Variants in MROH1 observed in about 807,000 individuals in gnomAD.
MROH1 encodes the protein maestro heat-like repeat-containing protein family member 1.
In MROH1, 117 loss-of-function variants were observed where a neutral mutation model predicts 116.5. The observed-to-expected ratio is 1.00, with a 90% CI of 0.86 to 1.17. The LOEUF (loss-of-function observed/expected upper bound fraction) is 1.17, where lower values mean the gene tolerates loss of function less well. Among genes scored for constraint, MROH1 ranks in the 50% most tolerant of loss-of-function variants. The pLI is 0.00. For missense variants in MROH1, 1,873 were observed against 1,338.5 expected (o/e 1.40, Z -6.23); for synonymous variants, 921 against 583.9 (o/e 1.58, Z -8.32).
Position 144,261,840 on chromosome 8 carries a change from A to AG in MROH1, c.*104dup. 1.4e-6 allele frequency: 1 copy of AG among 698,446 alleles called. No homozygotes were observed. The highest frequency in any genetic ancestry group is 2.6e-6 in the Non-Finnish European group (1 of 383,690). 43.3% of individuals were successfully genotyped at this position (698,446 alleles called of 1,614,324 possible). A position where few individuals can be genotyped will look rare whatever the true frequency, so the allele number is the denominator to read the frequency against. ...GACCACAGCCTGGGCACACGACTGG[A>AG]GGGGCCTGGCCCCAGAACAGGCACT... On this transcript the variant is annotated 3_prime_UTR_variant, in exon 44 of 44. Transcript: ENST00000326134.
intron 35 of MROH1, among the ~76,000 whole-genome samples, chr8:144,256,641 G>A (rs1206686430): frequency 5.2e-4 from 79 of 152,294 alleles, no homozygotes; most frequent in African/African-American, 1.2e-3. Flanking sequence ...GTAGGGCTGC[G>A]GGCCCCACGC....
intron 4 of MROH1, among the ~76,000 whole-genome samples, chr8:144,177,970 T>C (rs1329736450): frequency 1.3e-5 from 2 of 150,942 alleles, no homozygotes; most frequent in Middle Eastern, 3.2e-3. Context: ...TCTTCTTCTT[T>C]TTTTTTTTTT....
At chr8:144,197,280 C>A (rs1156266644) in intron 10 of MROH1, among the ~76,000 whole-genome samples, 1 of 152,118 alleles carries the variant, frequency 6.6e-6, no homozygotes, top group Non-Finnish European at 1.5e-5. Flanking sequence ...GCTGTTCATT[C>A]ATGTGGCTGT....
chr8:144,179,520 T>G lies in MROH1; in HGVS notation c.234T>G (p.Ser78Arg). Residue 78 changes from serine to arginine, a missense_variant, in exon 5 of 44, where the codon AGT (serine) becomes AGG (arginine). Coordinates refer to ENST00000326134, the MANE Select transcript of MROH1 (RefSeq NM_032450.3). The part of the protein sequence containing the change: ...AMERVLSSRA[S>R]ELDKDTASTI... ...AGAGGGTCCTGAGCAGTCGCGCCAG[T>G]GAGCTGGACAAGGACACAGCCAGCA... The G allele has an allele frequency of 1.2e-6, 2 of 1,613,546 alleles. No homozygotes were observed. The highest frequency in any genetic ancestry group is 1.7e-6 in the Non-Finnish European group (2 of 1,179,810).
chr8:144,169,357 G>A (rs146618030), intron 4 of MROH1, among the ~76,000 whole-genome samples: 192 of 152,210 alleles, frequency 1.3e-3, no homozygotes, highest in Non-Finnish European at 2.0e-3. Flanking sequence ...GTGGCCTGGC[G>A]GCACTTCCTG....
intron 14 of MROH1, among the ~76,000 whole-genome samples, chr8:144,237,348 C>T (rs951846171): frequency 4.6e-5 from 7 of 152,218 alleles, no homozygotes; most frequent in African/African-American, 7.2e-5. Context: ...ACCCTTCGAG[C>T]GCGCAGGCCC....
chr8:144,249,046 C>T lies in MROH1; in HGVS notation c.3273+17C>T, dbSNP rs1564561818. 8.4e-6 allele frequency: 5 copies of T among 598,238 alleles called. No homozygotes were observed. The highest frequency in any genetic ancestry group is 4.4e-5 in the East Asian group (1 of 22,864). The allele number at this position is 598,238 out of a possible 1,614,324, so 37.1% of individuals were successfully genotyped here. ...CAGGAGAAGGTGGGAGAGGGCGGGG[C>T]GCGGGGGGTGCTCCAGGAGAAGGTG... is the stretch of plus-strand genomic sequence containing the variant. On this transcript the variant is annotated intron_variant, in intron 32 of 43. Coordinates refer to ENST00000326134, the MANE Select transcript of MROH1 (RefSeq NM_032450.3).
At chr8:144,242,257 G>T in intron 22 of MROH1, 112 bp from the exon 23 acceptor site, 1 of 774,544 alleles carries the variant, frequency 1.3e-6, no homozygotes, top group South Asian at 1.4e-5. Context: ...TGCTGTCACT[G>T]ACTGGCTCTG....
chr8:144,191,571 G>C, intron 8 of MROH1, 144 bp from the exon 9 acceptor site: 1 of 1,120,354 alleles, frequency 8.9e-7, no homozygotes, highest in Non-Finnish European at 1.3e-6. Flanking sequence ...TGACCTCTGG[G>C]TGCTAGGCTC....
At chr8:144,218,857 C>T in intron 12 of MROH1, among the ~76,000 whole-genome samples, 1 of 48,414 alleles carries the variant, frequency 2.1e-5, no homozygotes, top group Non-Finnish European at 3.8e-5. Context: ...CCTGTTTTGA[C>T]AGGATCTTGC....
Position 144,163,777 on chromosome 8 carries a change from G to A in MROH1, c.-50G>A, listed in dbSNP as rs754323299. ...GTGATTTTGGTTATTCCAGATGGGA[G>A]AAGAAGTTGTCCATGTTCACACTGG... On this transcript the variant is annotated 5_prime_UTR_variant, in exon 3 of 44. Transcript: ENST00000326134. This position sits in a 1 kb window ranked among gnomAD's most constrained non-coding sequence, Gnocchi z 4.4. 2.5e-6 allele frequency: 4 copies of A among 1,607,974 alleles called. No individual in the cohort carries two copies. The South Asian group carries it at 3.3e-5, about 13-fold the overall frequency.
chr8:144,260,982 C>T lies in MROH1; in HGVS notation c.4612C>T (p.Leu1538=). Reference sequence around the variant, plus strand: ...GCTCTCAGCTGCTTTCCAGAAACACCTGCAGGAGGGCCGAGCCCTGCACTT... The same window carrying T: ...GCTCTCAGCTGCTTTCCAGAAACACTTGCAGGAGGGCCGAGCCCTGCACTT... The part of the protein sequence containing the change: ...EELSAAFQKH[L]QEGRALHFGE... Residue 1538 remains leucine, a synonymous_variant, in exon 41 of 44, where the codon CTG becomes TTG. Coordinates refer to ENST00000326134, the MANE Select transcript of MROH1 (RefSeq NM_032450.3). The T allele has an allele frequency of 1.3e-6, 1 of 775,688 alleles. No individual in the cohort carries two copies. 48.1% of individuals were successfully genotyped at this position (775,688 alleles called of 1,614,324 possible).
intron 16 of MROH1, 44 bp from the exon 17 acceptor site, chr8:144,239,279 C>T (rs1454455009): frequency 1.3e-6 from 1 of 777,436 alleles, no homozygotes; most frequent in Admixed American, 1.7e-5. Flanking sequence ...CGCCCCAGGG[C>T]TACAGGCAGC....
Position 144,236,668 on chromosome 8 carries a change from G to A in MROH1, c.1339-2088G>A, listed in dbSNP as rs960075776. ...TGAGGGAGGAGAATTGCTTGAACCC[G>A]GGAGGCAGAGGTTGCAGTGAGCTGA... On this transcript the variant is annotated intron_variant, in intron 14 of 43. Transcript: ENST00000326134. 4.0e-4 allele frequency among the ~76,000 whole-genome samples: 61 copies of A among 151,748 alleles called. No individual in the cohort carries two copies. In the East Asian group the frequency reaches 4.7e-3, roughly 12 times the overall value.
At chr8:144,199,483 C>G (rs997063408) in intron 11 of MROH1, among the ~76,000 whole-genome samples, 3 of 152,166 alleles carry the variant, frequency 2.0e-5, no homozygotes, top group Non-Finnish European at 4.4e-5. Flanking sequence ...CCCTACCTGC[C>G]CCCCGCCTAC....
chr8:144,191,000 C>T lies in MROH1; in HGVS notation c.714+65C>T, dbSNP rs946271364. Reference sequence around the variant, plus strand: ...GGCTCTCTCCTCCCCACATTCCCTGCCCGTGGCAAATTGATCAGAGGGTGG... The same window carrying T: ...GGCTCTCTCCTCCCCACATTCCCTGTCCGTGGCAAATTGATCAGAGGGTGG... On this transcript the variant is annotated intron_variant, in intron 8 of 43. Transcript: ENST00000326134. The T allele has an allele frequency of 7.2e-6, 11 of 1,524,966 alleles. No individual in the cohort carries two copies. The Admixed American group carries it at 2.1e-4, about 29-fold the overall frequency. 94.5% of individuals were successfully genotyped at this position (1,524,966 alleles called of 1,614,324 possible).
intron 1 of MROH1, among the ~76,000 whole-genome samples, chr8:144,152,848 T>C (rs1204680442): frequency 6.6e-6 from 1 of 151,978 alleles, no homozygotes; most frequent in Admixed American, 6.6e-5. Flanking sequence ...CGCCTGGCCA[T>C]GACCTCATAT....
In MROH1 at chr8:144,181,603, T is replaced by G. The variant is rs1465682610; in HGVS notation, c.562+1080T>G. Among the ~76,000 whole-genome samples, 3 of 152,250 alleles carry G rather than the reference T, an allele frequency of 2.0e-5. No homozygotes were observed. The East Asian group carries it at 5.8e-4, about 29-fold the overall frequency. On this transcript the variant is annotated intron_variant, in intron 7 of 43. Transcript: ENST00000326134. ...ACCTGTGGATGAGGGCAGGGCCCCT[T>G]GGGTAGAAGGGATAGTAACTCCATG...
At chr8:144,175,758 AAAAT>A (rs1464522859) in intron 4 of MROH1, among the ~76,000 whole-genome samples, 1 of 152,066 alleles carries the variant, frequency 6.6e-6, no homozygotes, top group African/African-American at 2.4e-5. Context: ...CATCTCTAAA[AAAAT>A]AAAATATGCC....
Sources: gnomAD v4.1 joint callset for allele counts (sites outside exome capture counted in the v4.1 genomes callset) on GRCh38, gnomAD v4.1.1 for gene constraint, Gnocchi (gnomAD v3.1) non-coding constraint, MANE v1.5 for transcripts, NCBI Gene and HGNC (gene_info 2026-07-23, HGNC 2026-07-21) for gene names.